The following MACF1 variants were observed in gnomAD, a reference collection of about 807,000 sequenced individuals.
MACF1 encodes microtubule actin crosslinking factor 1.
Under a neutral mutation model 854.8 loss-of-function variants are expected in MACF1, and 193 were observed. The ratio of observed to expected loss-of-function variants is 0.23; its 90% confidence interval spans 0.20 to 0.25. MACF1 has a LOEUF of 0.25. Ranked by LOEUF, MACF1 falls within the 10% of genes least tolerant of loss-of-function variation. The pLI, the probability that MACF1 is intolerant of heterozygous loss-of-function variation, is 1.00. For missense variants in MACF1, 7,722 were observed against 8,929.1 expected, an observed-to-expected ratio of 0.86 and a Z score of 5.45; for synonymous variants, 3,185 against 3,226.7, an observed-to-expected ratio of 0.99 and a Z score of 0.44.
chr1:39,233,289 C>T (rs1452630609), intron 2 of MACF1, among the ~76,000 whole-genome samples: 2 of 152,226 alleles, frequency 1.3e-5, no homozygotes, highest in Non-Finnish European at 2.9e-5. Flanking sequence ...CCACCTAAGT[C>T]TCCCAAAGTG....
chr1:39,339,852 G>A (rs34756656), intron 38 of MACF1, among the ~76,000 whole-genome samples: 1,727 of 152,258 alleles, frequency 0.011, 18 homozygotes, highest in Non-Finnish European at 0.017. Context: ...CATGAAGACA[G>A]ATTGTAGTGG....
chr1:39,190,877 C>T (rs1201541886), intron 2 of MACF1, among the ~76,000 whole-genome samples: 1 of 152,060 alleles, frequency 6.6e-6, no homozygotes, highest in East Asian at 1.9e-4. Flanking sequence ...CCTGTAATCC[C>T]AGCTACTTGG....
At chr1:39,425,782 A>T (rs573838401) in intron 61 of MACF1, among the ~76,000 whole-genome samples, 1 of 151,910 alleles carries the variant, frequency 6.6e-6, no homozygotes, top group Non-Finnish European at 1.5e-5. Context: ...CACTGCCATA[A>T]CTCTTTATCT....
Position 39,218,570 on chromosome 1 carries a change from T to G in MACF1, c.110-12612T>G, listed in dbSNP as rs187503731. On this transcript the variant is annotated intron_variant, in intron 1 of 100. Coordinates refer to ENST00000564288, the MANE Select transcript of MACF1 (RefSeq NM_001394062.1). ...ATGCTTCGTTTTTCTGACTGTGATA[T>G]TCCCGTGAATTCTCTAAGAACTATT... Among the ~76,000 whole-genome samples the G allele has an allele frequency of 2.0e-3, 306 of 152,308 alleles. 2 individuals carry two copies. Among genetic ancestry groups the G allele is most frequent in the African/African-American group, 7.1e-3 (296 of 41,576 alleles).
In MACF1 at chr1:39,331,906, G is replaced by A. The variant is rs1335059728; in HGVS notation, c.5318G>A (p.Gly1773Asp). 13 of 1,614,020 alleles carry A rather than the reference G, an allele frequency of 8.1e-6. No homozygotes were observed. Among genetic ancestry groups the A allele is most frequent in the Admixed American group, 3.3e-5 (2 of 59,988 alleles). ...VRLLEAQLFAGGIVDPRTGHR... is the reference protein window; with the variant it reads ...VRLLEAQLFADGIVDPRTGHR... ...TTGCTGGAAGCTCAGCTTTTTGCTG[G>A]TGGCATAGTAGATCCAAGAACAGGA... Residue 1773 changes from glycine (G) to aspartate (D), a missense_variant, in exon 37 of 101, where the codon GGT becomes GAT. Transcript: ENST00000564288.
chr1:39,323,581 A>G (rs1436928095), intron 33 of MACF1, among the ~76,000 whole-genome samples: 1 of 152,048 alleles, frequency 6.6e-6, no homozygotes, highest in Non-Finnish European at 1.5e-5. Context: ...ATAGGCACCT[A>G]TACCAAATTT....
At chr1:39,303,804 C>T (rs1212696491) in intron 23 of MACF1, among the ~76,000 whole-genome samples, 2 of 149,182 alleles carry the variant, frequency 1.3e-5, no homozygotes, top group South Asian at 2.1e-4. Context: ...CCTGGGAGGT[C>T]GAGTTTGCAG....
At chr1:39,295,915 TAC>T (rs1571286543) in intron 20 of MACF1, 33 bp downstream of exon 20, 1 of 1,552,278 alleles carries the variant, frequency 6.4e-7, no homozygotes, top group Non-Finnish European at 8.9e-7. Flanking sequence ...TGTGTGTGTG[TAC>T]ATATGTATGT....
chr1:39,187,866 G>GTCTCTCTC lies in MACF1; in HGVS notation c.221-43308_221-43301dup, dbSNP rs1276441879. ...GCTGTCTTTCTCTCTCTCTCTCTCT[G>GTCTCTCTC]TCTCTCTCTCTCTCTGTCTCTCTCT... On this transcript the variant is annotated intron_variant, in intron 2 of 93. Coordinates refer to the MACF1 transcript ENST00000361689. Among the ~76,000 whole-genome samples, 62 of 124,550 alleles carry GTCTCTCTC rather than the reference G, an allele frequency of 5.0e-4. 1 individual carries two copies. Among genetic ancestry groups the GTCTCTCTC allele is most frequent in the African/African-American group, 1.8e-3 (59 of 31,982 alleles). 81.7% of individuals were successfully genotyped at this position (124,550 alleles called of 152,430 possible).
chr1:39,292,298 A>G, intron 16 of MACF1, among the ~76,000 whole-genome samples: 1 of 152,226 alleles, frequency 6.6e-6, no homozygotes, highest in East Asian at 1.9e-4. Flanking sequence ...CAGAATTAGT[A>G]AGTAGTGGAT....
Position 39,105,566 on chromosome 1 carries a change from C to A in MACF1, c.220+21128C>A. ...GAGGCTGGGGCCGCCGCCGCCTCAG[C>A]GCGCGGGCCTGGAACCGGCAGCCCC... On this transcript the variant is annotated intron_variant, in intron 2 of 93. Coordinates refer to the MACF1 transcript ENST00000361689. This position sits in a 1 kb window ranked among gnomAD's most constrained non-coding sequence, Gnocchi z 5.9. 9.2e-7 allele frequency: 1 copy of A among 1,092,376 alleles called. No individual in the cohort carries two copies. Among genetic ancestry groups the A allele is most frequent in the Non-Finnish European group, 1.1e-6 (1 of 894,076 alleles). 67.7% of individuals were successfully genotyped at this position (1,092,376 alleles called of 1,614,324 possible). A position where few individuals can be genotyped will look rare whatever the true frequency, so the allele number is the denominator to read the frequency against.
intron 93 of MACF1, 22 bp from the exon 94 acceptor site, chr1:39,463,589 TC>T (rs758113595): frequency 6.3e-7 from 1 of 1,590,586 alleles, no homozygotes; most frequent in Admixed American, 1.7e-5. Context: ...CTTTACACTT[TC>T]CTTTTTGTTC....
chr1:39,464,968 TTC>T, intron 94 of MACF1, 125 bp from the exon 95 acceptor site: 1 of 861,560 alleles, frequency 1.2e-6, no homozygotes, highest in Non-Finnish European at 2.0e-6. Flanking sequence ...TAAGAATATG[TTC>T]AGTGTGTGTC....
At chr1:39,431,389 C>T (rs1013209655) in intron 66 of MACF1, among the ~76,000 whole-genome samples, 4 of 152,020 alleles carry the variant, frequency 2.6e-5, no homozygotes, top group African/African-American at 9.7e-5. Context: ...TTTTTCCTTC[C>T]TACTTTCTGG....
At position 39,465,103 on chromosome 1, in the gene MACF1, C is replaced by T. The variant is rs746520662; in HGVS notation, c.21762C>T (p.Leu7254=). ...CTCTTTACTGTCTATAGTTCTTCCT[C>T]GGCAATCAGGTACAGTGTGCCTTGC... ...QIGENKYRFF[L]GNQFGDSQQL... The change falls in exon 95 of 101, where the codon CTC becomes CTT. Residue 7254 remains leucine, a synonymous_variant. Coordinates refer to ENST00000564288, the MANE Select transcript of MACF1 (RefSeq NM_001394062.1). 4.7e-5 allele frequency: 76 copies of T among 1,612,938 alleles called. No individual in the cohort carries two copies. The highest frequency in any genetic ancestry group is 1.6e-4 in the Middle Eastern group (1 of 6,084).
In MACF1 at chr1:39,205,115, T is replaced by C. The variant is rs752408914; in HGVS notation, c.93T>C (p.His31=). 1.0e-5 allele frequency: 7 copies of C among 703,030 alleles called. No individual in the cohort carries two copies. In the East Asian group the frequency reaches 1.9e-4, roughly 19 times the overall value. 43.5% of individuals were successfully genotyped at this position (703,030 alleles called of 1,614,324 possible). ...GVAGVLYWKR[H]ARGRADERDR... ...CTGGTGTTCTATACTGGAAGAGGCA[T>C]GCCAGAGGTAGAGCAGGTAACTAAC... Residue 31 remains histidine (H), a synonymous_variant, in exon 1 of 101, where the codon CAT becomes CAC. Coordinates refer to ENST00000564288, the MANE Select transcript of MACF1 (RefSeq NM_001394062.1).
rs1448425931 is a variant in MACF1, at chr1:39,318,631, G to A, written c.3945+16G>A. The A allele has an allele frequency of 6.3e-7, 1 of 1,580,538 alleles. No individual in the cohort carries two copies. The highest frequency in any genetic ancestry group is 1.4e-5 in the African/African-American group (1 of 73,574). The stretch of plus-strand genomic sequence containing the variant: ...CCAGCAGACGGTGAGTGTGGTAGTA[G>A]CTCTGGCGAGAAGAGTTAGAAATTT... On this transcript the variant is annotated intron_variant, in intron 30 of 100. Coordinates refer to ENST00000564288, the MANE Select transcript of MACF1 (RefSeq NM_001394062.1).
chr1:39,444,215 G>T (rs1167600990), intron 79 of MACF1, among the ~76,000 whole-genome samples: 1 of 151,932 alleles, frequency 6.6e-6, no homozygotes, highest in Admixed American at 6.6e-5. Flanking sequence ...GGCGCCTGTA[G>T]TCCCAGCTAC....
In MACF1 at chr1:39,284,072, G is replaced by T. The variant is rs751341720; in HGVS notation, c.922G>T (p.Asp308Tyr). The T allele has an allele frequency of 6.2e-7, 1 of 1,613,970 alleles. No homozygotes were observed. Among genetic ancestry groups the T allele is most frequent in the Non-Finnish European group, 8.5e-7 (1 of 1,179,942 alleles). Residue 308 changes from aspartate (D) to tyrosine (Y), a missense_variant, in exon 10 of 101, where the codon GAC becomes TAC. Coordinates refer to ENST00000564288, the MANE Select transcript of MACF1 (RefSeq NM_001394062.1). Reference protein sequence around the residue: ...GGEGISATEVDSRWQEYQSRV... With the variant: ...GGEGISATEVYSRWQEYQSRV... ...GTTTACCTTCTGGCAATAGGAAGTG[G>T]ACTCCAGGTGGCAAGAATACCAAAG...
Sources: gnomAD v4.1 joint callset for allele counts (sites outside exome capture counted in the v4.1 genomes callset) on GRCh38, gnomAD v4.1.1 for gene constraint, Gnocchi (gnomAD v3.1) non-coding constraint, MANE v1.5 for transcripts, NCBI Gene and HGNC (gene_info 2026-07-23, HGNC 2026-07-21) for gene names.